Variants in ACVR1 observed in about 807,000 individuals in gnomAD.
ACVR1 encodes the protein activin A receptor type 1.
A neutral mutation model predicts 57.1 loss-of-function variants in ACVR1; 38 were observed. The observed-to-expected ratio is 0.67, with a 90% confidence interval of 0.51 to 0.87. The LOEUF (loss-of-function observed/expected upper bound fraction) is 0.87. ACVR1 is among the 40% of genes least tolerant of loss of function. The probability of loss-of-function intolerance (pLI) is 0.00; values close to 1 mark genes in which losing one functional copy is unlikely to be tolerated. For synonymous variants in ACVR1, 212 were observed against 228.1 expected (o/e 0.93, Z 0.63); for missense variants, 463 against 638.2 (o/e 0.73, Z 2.96).
chr2:157,777,065 GTTA>G (rs1375856471), intron 5 of ACVR1, among the ~76,000 whole-genome samples: 1 of 152,138 alleles, frequency 6.6e-6, no homozygotes, highest in Non-Finnish European at 1.5e-5. Flanking sequence ...CATGCAGAAT[GTTA>G]TTATTTTTTC....
At chr2:157,756,988 TGA>T (rs1491390303) in intron 9 of ACVR1, among the ~76,000 whole-genome samples, 14 of 141,190 alleles carry the variant, frequency 9.9e-5, no homozygotes, top group African/African-American at 3.6e-4. Context: ...TATATATATT[TGA>T]GATATATATA....
At chr2:157,817,473 T>C (rs549831100) in intron 2 of ACVR1, among the ~76,000 whole-genome samples, 1 of 152,320 alleles carries the variant, frequency 6.6e-6, no homozygotes, top group East Asian at 1.9e-4. Flanking sequence ...CATTACTCAT[T>C]TGTCCAAACC....
At chr2:157,798,834 T>C (rs1687216439) in intron 3 of ACVR1, among the ~76,000 whole-genome samples, 1 of 152,042 alleles carries the variant, frequency 6.6e-6, no homozygotes, top group East Asian at 1.9e-4. Context: ...AGCCTCGCAT[T>C]TGTTTAAACA....
chr2:157,812,356 C>A (rs1305025443), intron 2 of ACVR1, among the ~76,000 whole-genome samples: 2 of 151,902 alleles, frequency 1.3e-5, no homozygotes, highest in Non-Finnish European at 2.9e-5. Context: ...AAGAGACTTA[C>A]AAAACATAAA....
At chr2:157,823,983 C>G (rs1028858601) in intron 1 of ACVR1, among the ~76,000 whole-genome samples, 2 of 152,168 alleles carry the variant, frequency 1.3e-5, no homozygotes, top group Non-Finnish European at 2.9e-5. Flanking sequence ...AAACAGGCGT[C>G]ATGACTCCCT....
intron 1 of ACVR1, among the ~76,000 whole-genome samples, chr2:157,835,989 A>G (rs1202383323): frequency 6.6e-6 from 1 of 152,246 alleles, no homozygotes; most frequent in Non-Finnish European, 1.5e-5. Flanking sequence ...ACTACTATGA[A>G]ATGTAAAAAT....
rs537142609 is a variant in ACVR1 at position 157,781,684 on chromosome 2, A to G, written c.68-1084T>C. Among the ~76,000 whole-genome samples the G allele has an allele frequency of 2.6e-5, 4 of 152,364 alleles. No individual in the cohort carries two copies. In the East Asian group the frequency reaches 7.7e-4, roughly 29 times the overall value. ...AGAGGCAGAAACGGATGATCAGGGA[A>G]GCACATCTAATCACTCTGCTTAATT... On this transcript the variant is annotated intron_variant, in intron 3 of 10. Coordinates refer to ENST00000434821, the MANE Select transcript of ACVR1 (RefSeq NM_001111067.4).
rs183252188 is a variant in ACVR1, at chr2:157,764,338, A to G, written c.1066+1583T>C. ...GCTGAGATTCCAGACGCACGCTACC[A>G]CGCCCGGCTATTATTATTATTTTTC... On this transcript the variant is annotated intron_variant, in intron 8 of 10. Coordinates refer to ENST00000434821, the MANE Select transcript of ACVR1 (RefSeq NM_001111067.4). Among the ~76,000 whole-genome samples the G allele has an allele frequency of 3.1e-3, 463 of 148,696 alleles. 3 individuals carry two copies. The highest frequency in any genetic ancestry group is 0.011 in the African/African-American group (443 of 40,380).
chr2:157,785,175 C>T (rs1235909675), intron 3 of ACVR1, among the ~76,000 whole-genome samples: 1 of 152,210 alleles, frequency 6.6e-6, no homozygotes, highest in Non-Finnish European at 1.5e-5. Context: ...AAGGAACAGG[C>T]TGAATTTTTT....
chr2:157,761,203 C>T (rs905271323), intron 8 of ACVR1, 126 bp from the exon 9 acceptor site: 10 of 831,880 alleles, frequency 1.2e-5, no homozygotes, highest in Middle Eastern at 3.4e-4. Context: ...TTGCAATACA[C>T]TCAGAATGAT....
At chr2:157,868,804 T>C (rs1340824132) in intron 1 of ACVR1, among the ~76,000 whole-genome samples, 2 of 152,194 alleles carry the variant, frequency 1.3e-5, no homozygotes, top group Admixed American at 6.5e-5. Flanking sequence ...TGACAATAAC[T>C]GAGCTTTCTA....
intron 3 of ACVR1, chr2:157,790,019 G>T (rs1176438458): frequency 1.3e-5 from 2 of 152,304 alleles, no homozygotes; most frequent in African/African-American, 4.8e-5. Flanking sequence ...ACTAACCACA[G>T]AAGCACCAAA....
intron 7 of ACVR1, among the ~76,000 whole-genome samples, chr2:157,767,778 G>A (rs944730724): frequency 2.0e-5 from 3 of 152,102 alleles, no homozygotes. Context: ...AGCTATTTAA[G>A]TTGCTATCAA....
chr2:157,808,875 C>T (rs927719492), intron 2 of ACVR1, among the ~76,000 whole-genome samples: 1 of 85,766 alleles, frequency 1.2e-5, no homozygotes, highest in African/African-American at 2.8e-5. Flanking sequence ...GTCAGTAATA[C>T]ATTTAAAAAA....
intron 9 of ACVR1, among the ~76,000 whole-genome samples, chr2:157,755,387 A>C (rs989905061): frequency 1.3e-5 from 2 of 152,146 alleles, no homozygotes; most frequent in Non-Finnish European, 2.9e-5. Context: ...AAAAGCTCCT[A>C]TAACTGATAA....
At chr2:157,837,145 T>C (rs901768852) in intron 1 of ACVR1, among the ~76,000 whole-genome samples, 3 of 152,242 alleles carry the variant, frequency 2.0e-5, no homozygotes, top group African/African-American at 4.8e-5. Flanking sequence ...TCCCCATGTA[T>C]AGTAATGAAT....
intron 3 of ACVR1, among the ~76,000 whole-genome samples, chr2:157,787,920 G>A (rs2105290970): frequency 6.6e-6 from 1 of 152,214 alleles, no homozygotes; most frequent in South Asian, 2.1e-4. Flanking sequence ...GGGATTCATG[G>A]ACTGGGCCTC....
chr2:157,855,314 A>G (rs1302071558), intron 1 of ACVR1, among the ~76,000 whole-genome samples: 10 of 99,956 alleles, frequency 1.0e-4, no homozygotes, highest in South Asian at 4.0e-4. Flanking sequence ...GTGTGTATAT[A>G]TATATATATA....
intron 7 of ACVR1, among the ~76,000 whole-genome samples, chr2:157,768,798 A>G (rs991323114): frequency 7.9e-5 from 12 of 152,208 alleles, no homozygotes; most frequent in African/African-American, 2.4e-4. Flanking sequence ...TGGTTACCTC[A>G]ACATTTAAAA....
Sources: allele counts gnomAD v4.1 joint callset (sites outside exome capture counted in the v4.1 genomes callset), GRCh38; gene constraint gnomAD v4.1.1; transcripts MANE v1.5; gene names NCBI Gene and HGNC (gene_info 2026-07-23, HGNC 2026-07-21).